Variants in NEO1 observed in about 807,000 individuals in gnomAD.
The protein encoded by NEO1 is neogenin.
NEO1 carries 63 observed loss-of-function variants against 159.7 expected under a neutral mutation model. The observed-to-expected ratio is 0.39, with a 90% CI of 0.32 to 0.49. The LOEUF (loss-of-function observed/expected upper bound fraction) is 0.49. Among genes scored for constraint, NEO1 ranks in the 20% least tolerant of loss-of-function variants. NEO1 has a pLI of 0.85. For missense variants in NEO1, 1,615 were observed against 1,831.0 expected, an observed-to-expected ratio of 0.88 and a Z score of 2.15; for synonymous variants, 633 against 662.0, an observed-to-expected ratio of 0.96 and a Z score of 0.67.
rs67749428 is a variant in NEO1 at position 73,165,093 on chromosome 15, ATTT to A, written c.1016-11292_1016-11290del. Reference sequence around the variant, plus strand: ...TAGGCATGTTCCACATGCCTGGCCAATTTTTTTTTTTTTTTTTTTTGTAGAGAT... The same window carrying A: ...TAGGCATGTTCCACATGCCTGGCCAATTTTTTTTTTTTTTTTTGTAGAGAT... On this transcript the variant is annotated intron_variant, in intron 5 of 28. Transcript: ENST00000261908. Among the ~76,000 whole-genome samples the A allele has an allele frequency of 9.0e-3, 1,165 of 129,082 alleles. 15 individuals carry two copies. Among genetic ancestry groups the A allele is most frequent in the African/African-American group, 0.031 (1,099 of 34,972 alleles). The allele number at this position is 129,082 out of a possible 152,430, so 84.7% of individuals were successfully genotyped here.
At chr15:73,129,053 A>G (rs2030725068) in intron 4 of NEO1, among the ~76,000 whole-genome samples, 1 of 152,236 alleles carries the variant, frequency 6.6e-6, no homozygotes, top group African/African-American at 2.4e-5. Context: ...CACTGTCTCA[A>G]GAAGCTTCAG....
intron 1 of NEO1, among the ~76,000 whole-genome samples, chr15:73,053,479 T>C (rs2067561290): frequency 6.6e-6 from 1 of 152,230 alleles, no homozygotes; most frequent in African/African-American, 2.4e-5. Flanking sequence ...TCCTGGGGAT[T>C]ACAACTATAT....
At chr15:73,197,087 C>T (rs1025150536) in intron 7 of NEO1, among the ~76,000 whole-genome samples, 4 of 152,110 alleles carry the variant, frequency 2.6e-5, no homozygotes, top group African/African-American at 7.2e-5. Context: ...GGCCAGGCAA[C>T]GGTGGCTCAC....
intron 21 of NEO1, among the ~76,000 whole-genome samples, chr15:73,275,528 A>C (rs1195452901): frequency 2.6e-5 from 4 of 152,006 alleles, no homozygotes. Context: ...GGTGGTGCGC[A>C]CCTATAATCC....
At chr15:73,277,570 G>A (rs2041476948) in intron 21 of NEO1, among the ~76,000 whole-genome samples, 1 of 152,122 alleles carries the variant, frequency 6.6e-6, no homozygotes, top group African/African-American at 2.4e-5. Context: ...CAGGAACTGA[G>A]AACCTGATTT....
chr15:73,135,074 TA>T (rs1478422078), intron 4 of NEO1, among the ~76,000 whole-genome samples: 2 of 152,212 alleles, frequency 1.3e-5, no homozygotes, highest in African/African-American at 2.4e-5. Context: ...TCCCTAGAAT[TA>T]ACTGCATCTC....
chr15:73,194,173 T>C (rs985824266), intron 7 of NEO1, among the ~76,000 whole-genome samples: 1 of 152,114 alleles, frequency 6.6e-6, no homozygotes, highest in African/African-American at 2.4e-5. Context: ...ATTAGAGATG[T>C]GTTGAGTGGC....
intron 5 of NEO1, among the ~76,000 whole-genome samples, chr15:73,173,076 C>G (rs2035066138): frequency 6.6e-6 from 1 of 152,182 alleles, no homozygotes; most frequent in Admixed American, 6.5e-5. Flanking sequence ...TTTTATTTAA[C>G]ACAAGTAAGC....
At chr15:73,174,920 C>T (rs2035196340) in intron 5 of NEO1, among the ~76,000 whole-genome samples, 1 of 152,158 alleles carries the variant, frequency 6.6e-6, no homozygotes, top group African/African-American at 2.4e-5. Context: ...TCTTCCATCA[C>T]TGTGAATGTA....
chr15:73,242,529 G>A lies in NEO1; in HGVS notation c.1452-1815G>A, dbSNP rs1467700302. On this transcript the variant is annotated intron_variant, in intron 8 of 28. Transcript: ENST00000261908. ...CTAAAAATACAAAAATTAGCCGGGC[G>A]TGGTGGTGTGCACCTGTAGTCCCAG... is the stretch of plus-strand genomic sequence containing the variant. Among the ~76,000 whole-genome samples, 16 of 152,168 alleles carry A rather than the reference G, an allele frequency of 1.1e-4. No individual in the cohort carries two copies. The South Asian group carries it at 1.5e-3, about 14-fold the overall frequency.
intron 5 of NEO1, among the ~76,000 whole-genome samples, chr15:73,156,118 AC>A (rs2033753394): frequency 6.6e-6 from 1 of 151,984 alleles, no homozygotes; most frequent in Non-Finnish European, 1.5e-5. Flanking sequence ...GAGTGGGGAG[AC>A]TTTTTATTGA....
intron 7 of NEO1, among the ~76,000 whole-genome samples, chr15:73,221,231 C>T (rs1452428303): frequency 2.6e-5 from 4 of 152,188 alleles, no homozygotes; most frequent in Non-Finnish European, 4.4e-5. Context: ...GCAGTGTCTG[C>T]AGAACAGCGG....
rs1341666910 is a variant in NEO1 at position 73,249,166 on chromosome 15, T to G, written c.1713T>G (p.Asn571Lys). 6.2e-7 allele frequency: 1 copy of G among 1,614,082 alleles called. No individual in the cohort carries two copies. Among genetic ancestry groups the G allele is most frequent in the Admixed American group, 1.7e-5 (1 of 60,016 alleles). ...TPVSGNGEIQNYKLYYMEKGT... is the reference protein window; with the variant it reads ...TPVSGNGEIQKYKLYYMEKGT... ...TGTCTGGCAATGGGGAAATTCAGAA[T>G]TATAAATTGTACTACATGGAAAAGG... Residue 571 changes from asparagine (N) to lysine (K), a missense_variant, in exon 10 of 29, where the codon AAT becomes AAG. Around this residue, in one of 3 missense-constraint regions of NEO1, gnomAD observed 1,018 missense variants for 1,115.4 expected, o/e 0.91. Transcript: ENST00000261908.
At chr15:73,298,691 T>C (rs2042475901) in intron 27 of NEO1, 80 bp downstream of exon 27, 11 of 1,553,816 alleles carry the variant, frequency 7.1e-6, no homozygotes. Flanking sequence ...AAGCCACCCC[T>C]TCTTTGAAGT....
At chr15:73,096,429 A>G (rs999495237) in intron 1 of NEO1, among the ~76,000 whole-genome samples, 1 of 152,220 alleles carries the variant, frequency 6.6e-6, no homozygotes, top group Non-Finnish European at 1.5e-5. Flanking sequence ...GTTGAAGACA[A>G]AGCACAATCA....
At chr15:73,189,420 CA>C (rs1451870991) in intron 7 of NEO1, among the ~76,000 whole-genome samples, 1 of 152,202 alleles carries the variant, frequency 6.6e-6, no homozygotes, top group Non-Finnish European at 1.5e-5. Context: ...CCATGCAGTT[CA>C]AAACCGGCTT....
chr15:73,093,613 A>T (rs1318083039), intron 1 of NEO1, among the ~76,000 whole-genome samples: 1 of 150,312 alleles, frequency 6.7e-6, no homozygotes, highest in Non-Finnish European at 1.5e-5. Flanking sequence ...GTGCTCTGTC[A>T]CCCAGGCTGG....
chr15:73,086,994 T>C (rs2151421670), intron 1 of NEO1, among the ~76,000 whole-genome samples: 1 of 152,290 alleles, frequency 6.6e-6, no homozygotes, highest in Middle Eastern at 3.4e-3. Context: ...TTGTATGTCT[T>C]CTGTTAATTT....
chr15:73,258,455 A>G (rs1420372849), intron 13 of NEO1, among the ~76,000 whole-genome samples: 1 of 152,184 alleles, frequency 6.6e-6, no homozygotes, highest in East Asian at 1.9e-4. Context: ...TTGTAACACA[A>G]TAAAGGGATT....
Sources: allele counts gnomAD v4.1 joint callset (sites outside exome capture counted in the v4.1 genomes callset), GRCh38; gene constraint gnomAD v4.1.1; regional missense constraint gnomAD v4.1.1; transcripts MANE v1.5; gene names NCBI Gene and HGNC (gene_info 2026-07-23, HGNC 2026-07-21).